Variants in PFKFB3 observed in about 807,000 individuals in gnomAD.
PFKFB3 encodes the protein 6-phosphofructo-2-kinase/fructose-2,6-bisphosphatase 3.
Under a neutral mutation model 68.0 loss-of-function variants are expected in PFKFB3, and 33 were observed. The observed-to-expected ratio is 0.49, with a 90% CI of 0.37 to 0.65. PFKFB3 has a LOEUF of 0.65. Among genes scored for constraint, PFKFB3 ranks in the 30% least tolerant of loss-of-function variants. PFKFB3 has a pLI of 0.00. For missense variants in PFKFB3, 586 were observed against 712.2 expected, an observed-to-expected ratio of 0.82 and a Z score of 2.02; for synonymous variants, 315 against 288.2, an observed-to-expected ratio of 1.09 and a Z score of -0.94.
chr10:6,146,016 G>T (rs1272486237), intron 1 of PFKFB3, among the ~76,000 whole-genome samples: 1 of 152,192 alleles, frequency 6.6e-6, no homozygotes, highest in Non-Finnish European at 1.5e-5. Flanking sequence ...AATCAGAGTT[G>T]TGTGACTCCT....
rs751614980 is a variant in PFKFB3, at chr10:6,215,213, G to A, written c.203-8G>A. ...GATCATCCAGACTGTTCTCTTTCCCGTCCACAGTGTTCAACGTCGGGGAGT... is the reference window on the plus strand; with the variant it reads ...GATCATCCAGACTGTTCTCTTTCCCATCCACAGTGTTCAACGTCGGGGAGT... On this transcript the variant is annotated splice_polypyrimidine_tract_variant and splice_region_variant and intron_variant, in intron 2 of 14. Transcript: ENST00000379775. The surrounding 1 kb of genome is among the most constrained non-coding windows in gnomAD (Gnocchi z 4.3). 60 of 1,612,214 alleles carry A rather than the reference G, an allele frequency of 3.7e-5. No individual in the cohort carries two copies. Among genetic ancestry groups the A allele is most frequent in the Admixed American group, 6.7e-5 (4 of 59,988 alleles).
the PFKFB3 span, among the ~76,000 whole-genome samples, chr10:6,267,919 C>T: frequency 7.2e-6 from 1 of 138,418 alleles, no homozygotes; most frequent in Admixed American, 7.7e-5. Flanking sequence ...GGTGCCACTG[C>T]ACTCCAGCCT....
In PFKFB3 at chr10:6,217,208, C is replaced by T. The variant is rs772951494; in HGVS notation, c.498+17C>T. 73 of 1,610,772 alleles carry T rather than the reference C, an allele frequency of 4.5e-5. No individual in the cohort carries two copies. The East Asian group carries it at 1.3e-3, about 28-fold the overall frequency. On this transcript the variant is annotated intron_variant, in intron 6 of 14. Coordinates refer to ENST00000379775, the MANE Select transcript of PFKFB3 (RefSeq NM_004566.4). ...AATATCATGGTAAGACAGCCGGGAG[C>T]CCCGTGCTTCTGCGGCAGCGTAGAC...
chr10:6,231,826 C>T (rs1845765495), intron 14 of PFKFB3, among the ~76,000 whole-genome samples: 1 of 151,322 alleles, frequency 6.6e-6, no homozygotes, highest in Non-Finnish European at 1.5e-5. Context: ...TCCTGGTGGG[C>T]ACTCATCACC....
At chr10:6,185,764 C>T (rs375991543) in intron 1 of PFKFB3, among the ~76,000 whole-genome samples, 2 of 151,966 alleles carry the variant, frequency 1.3e-5, no homozygotes, top group Non-Finnish European at 2.9e-5. Flanking sequence ...CTCAGCCTCC[C>T]GAGTAGCTGG....
At chr10:6,158,527 A>G (rs1414265753) in intron 1 of PFKFB3, among the ~76,000 whole-genome samples, 2 of 152,158 alleles carry the variant, frequency 1.3e-5, no homozygotes, top group Non-Finnish European at 2.9e-5. Context: ...AGTGGTACAA[A>G]TGCCTTGGAG....
At chr10:6,268,977 C>T in the PFKFB3 span, among the ~76,000 whole-genome samples, 3 of 132,478 alleles carry the variant, frequency 2.3e-5, no homozygotes, top group Admixed American at 1.7e-4. Flanking sequence ...AAGCTGAGAT[C>T]GTACCACTGC....
Position 6,221,463 on chromosome 10 carries a change from T to C in PFKFB3, c.914T>C (p.Ile305Thr). ...TGGACCAGCCAGCTGAAGAGCACCA[T>C]CCAGACGGCCGAGGCGCTGCGGCTG... The part of the protein sequence containing the change: ...RVWTSQLKST[I>T]QTAEALRLPY... Residue 305 changes from isoleucine to threonine, a missense_variant, in exon 9 of 15, where the codon ATC becomes ACC. Transcript: ENST00000379775. 3.1e-6 allele frequency: 5 copies of C among 1,613,790 alleles called. No individual in the cohort carries two copies. Among genetic ancestry groups the C allele is most frequent in the Non-Finnish European group, 4.2e-6 (5 of 1,180,008 alleles).
rs1189419777 is a variant in PFKFB3 at position 6,234,976 on chromosome 10, T to G, written c.*2034T>G. 1 of 145,976 alleles carries G rather than the reference T, an allele frequency of 6.9e-6. No individual in the cohort carries two copies. Among genetic ancestry groups the G allele is most frequent in the Non-Finnish European group, 1.5e-5 (1 of 66,632 alleles). 9.0% of individuals were successfully genotyped at this position (145,976 alleles called of 1,614,324 possible). On this transcript the variant is annotated 3_prime_UTR_variant, in exon 15 of 15. Coordinates refer to ENST00000379775, the MANE Select transcript of PFKFB3 (RefSeq NM_004566.4). ...CTATAGAAAGGAGAACACTGCCTAC[T>G]TTGCAAGCCAGTGACCTGCCTTTTG...
At chr10:6,159,606 C>T (rs1302629733) in intron 1 of PFKFB3, among the ~76,000 whole-genome samples, 3 of 151,116 alleles carry the variant, frequency 2.0e-5, no homozygotes, top group East Asian at 1.9e-4. Flanking sequence ...ACAGGAGAAT[C>T]GCTTGAACCC....
chr10:6,288,299 T>C, the PFKFB3 span, among the ~76,000 whole-genome samples: 73,051 of 148,036 alleles, frequency 0.49, 20,627 homozygotes, highest in Non-Finnish European at 0.65. Flanking sequence ...GTGTGCTGCA[T>C]CCATTAACTC....
At position 6,146,093 on chromosome 10, in the gene PFKFB3, C is replaced by A. The variant is rs1841380562; in HGVS notation, c.16+1080C>A. Among the ~76,000 whole-genome samples, 3 of 152,198 alleles carry A rather than the reference C, an allele frequency of 2.0e-5. No homozygotes were observed. The South Asian group carries it at 6.2e-4, about 31-fold the overall frequency. On this transcript the variant is annotated intron_variant, in intron 1 of 14. Coordinates refer to the PFKFB3 transcript ENST00000379789. The stretch of plus-strand genomic sequence containing the variant: ...GATTGTCACTCAACACCCGAGACTC[C>A]CCCACTGCGACCTGGGCACACTAAG...
chr10:6,233,017 C>A lies in PFKFB3; in HGVS notation c.*75C>A. 1 of 1,197,520 alleles carries A rather than the reference C, an allele frequency of 8.4e-7. No individual in the cohort carries two copies. The highest frequency in any genetic ancestry group is 1.2e-6 in the Non-Finnish European group (1 of 801,552). The allele number at this position is 1,197,520 out of a possible 1,614,324, so 74.2% of individuals were successfully genotyped here. ...GTCCTGCCCTCCGCCCGAGGCAAAACGTATCCTGAGGACTTCTTCCGGAGA... is the reference window on the plus strand; with the variant it reads ...GTCCTGCCCTCCGCCCGAGGCAAAAAGTATCCTGAGGACTTCTTCCGGAGA... On this transcript the variant is annotated 3_prime_UTR_variant, in exon 15 of 15. Coordinates refer to ENST00000379775, the MANE Select transcript of PFKFB3 (RefSeq NM_004566.4).
At chr10:6,277,683 C>T in the PFKFB3 span, 23 of 349,820 alleles carry the variant, frequency 6.6e-5, no homozygotes, top group Non-Finnish European at 1.3e-4. Flanking sequence ...TTGCCTTCTG[C>T]CATGATTGTA....
rs144747290 is a variant in PFKFB3 at position 6,166,821 on chromosome 10, CTT to C, written c.16+21828_16+21829del. ...CCCACTTCTCCTAGCCCTTCTTCTT[CTT>C]TTTTTTTTTTTTTTTTTTTATTTGA... On this transcript the variant is annotated intron_variant, in intron 1 of 14. Coordinates refer to the PFKFB3 transcript ENST00000379789. Among the ~76,000 whole-genome samples the C allele has an allele frequency of 3.4e-3, 320 of 95,250 alleles. 1 individual carries two copies. The highest frequency in any genetic ancestry group is 7.6e-3 in the African/African-American group (194 of 25,404). 62.5% of individuals were successfully genotyped at this position (95,250 alleles called of 152,430 possible).
chr10:6,180,176 T>C (rs1423342116), intron 1 of PFKFB3, among the ~76,000 whole-genome samples: 1 of 150,360 alleles, frequency 6.7e-6, no homozygotes, highest in East Asian at 2.0e-4. Context: ...ACCCTGTCTC[T>C]AAAAGAAAAA....
upstream of PFKFB3, chr10:6,202,526 A>C (rs1432286407): frequency 6.6e-6 from 1 of 152,556 alleles, no homozygotes; most frequent in African/African-American, 2.4e-5. Flanking sequence ...GGTAGGATGC[A>C]CTTTAAGCAG....
At chr10:6,145,490 G>C (rs913658858) in intron 1 of PFKFB3, among the ~76,000 whole-genome samples, 1 of 152,052 alleles carries the variant, frequency 6.6e-6, no homozygotes, top group Non-Finnish European at 1.5e-5. Context: ...GATATACCAG[G>C]GCTCCGGACC....
At chr10:6,314,055 A>C in the PFKFB3 span, among the ~76,000 whole-genome samples, 1 of 152,238 alleles carries the variant, frequency 6.6e-6, no homozygotes, top group Non-Finnish European at 1.5e-5. Context: ...CTTGACATCA[A>C]AGCAAGGGCA....
Sources: allele counts gnomAD v4.1 joint callset (sites outside exome capture counted in the v4.1 genomes callset), GRCh38; gene constraint gnomAD v4.1.1; non-coding constraint Gnocchi (gnomAD v3.1); transcripts MANE v1.5; gene names NCBI Gene and HGNC (gene_info 2026-07-23, HGNC 2026-07-21).